Variants in STKLD1 observed in about 807,000 individuals in gnomAD.
The protein encoded by STKLD1 is serine/threonine kinase-like domain-containing protein STKLD1.
STKLD1 carries 79 observed loss-of-function variants against 80.4 expected under a neutral mutation model. The observed-to-expected ratio is 0.98, with a 90% CI of 0.82 to 1.19. STKLD1 has a LOEUF of 1.19. STKLD1 is among the 50% of genes most tolerant of loss of function. The pLI is 0.00. For missense variants in STKLD1, 841 were observed against 856.0 expected, an observed-to-expected ratio of 0.98 and a Z score of 0.22; for synonymous variants, 393 against 357.6, an observed-to-expected ratio of 1.10 and a Z score of -1.12.
In STKLD1 at chr9:133,394,440, AT is replaced by A; in HGVS notation, c.702+32del. 6.9e-7 allele frequency: 1 copy of A among 1,453,728 alleles called. No homozygotes were observed. 90.1% of individuals were successfully genotyped at this position (1,453,728 alleles called of 1,614,324 possible). A position where few individuals can be genotyped will look rare whatever the true frequency, so the allele number is the denominator to read the frequency against. ...CCGCCCTCCCTCCCCCACACCCCAC[AT>A]GCTGTTCCCCACGCGCCCAGGCCTG... is the stretch of plus-strand genomic sequence containing the variant. On this transcript the variant is annotated intron_variant, in intron 8 of 17. Coordinates refer to ENST00000371957, the MANE Select transcript of STKLD1 (RefSeq NM_153710.5). This position sits in a 1 kb window ranked among gnomAD's most constrained non-coding sequence, Gnocchi z 4.9.
chr9:133,401,092 A>T (rs587594545), intron 12 of STKLD1, among the ~76,000 whole-genome samples: 1 of 152,144 alleles, frequency 6.6e-6, no homozygotes, highest in East Asian at 1.9e-4. Context: ...GGTTGTTAAA[A>T]GAGTTGAATT....
chr9:133,391,062 A>G (rs1024836111), intron 7 of STKLD1, among the ~76,000 whole-genome samples: 2 of 152,214 alleles, frequency 1.3e-5, no homozygotes, highest in African/African-American at 2.4e-5. Flanking sequence ...GGTACCCCAG[A>G]AAATGTTGCC....
Position 133,403,734 on chromosome 9 carries a change from C to T in STKLD1, c.1509C>T (p.Val503=), listed in dbSNP as rs782643145. ...TGAACAAGGCCCCCTTGGAGAAGGT[C>T]CCGGACCTCATCAGCCAGGTGTTGG... ...IIVNKAPLEK[V]PDLISQVLAT... is the part of the protein sequence containing the mutation. The change falls in exon 15 of 18, where the codon GTC becomes GTT. Residue 503 remains valine (V), a synonymous_variant. Transcript: ENST00000371957. 3 of 1,613,820 alleles carry T rather than the reference C, an allele frequency of 1.9e-6. No individual in the cohort carries two copies. Among genetic ancestry groups the T allele is most frequent in the East Asian group, 4.5e-5 (2 of 44,882 alleles).
chr9:133,383,713 G>A, intron 2 of STKLD1, 143 bp from the exon 3 acceptor site: 5 of 745,084 alleles, frequency 6.7e-6, no homozygotes, highest in Non-Finnish European at 1.2e-5. Flanking sequence ...GTTGGTTGTG[G>A]TTGTGGTAAT....
Position 133,384,639 on chromosome 9 carries a change from T to A in STKLD1, c.219+739T>A, listed in dbSNP as rs2119213740. ...CCATTTTGCCCAGGCTAGTCTGAAT[T>A]TCTGGGCTCAAGCAATCGTCCCACC... On this transcript the variant is annotated intron_variant, in intron 3 of 17. Coordinates refer to ENST00000371957, the MANE Select transcript of STKLD1 (RefSeq NM_153710.5). This position sits in a 1 kb window ranked among gnomAD's most constrained non-coding sequence, Gnocchi z 4.3. 6.6e-6 allele frequency: 1 copy of A among 152,000 alleles called. No individual in the cohort carries two copies. The highest frequency in any genetic ancestry group is 1.9e-4 in the East Asian group (1 of 5,172). 9.4% of individuals were successfully genotyped at this position (152,000 alleles called of 1,614,324 possible). A position where few individuals can be genotyped will look rare whatever the true frequency, so the allele number is the denominator to read the frequency against.
chr9:133,400,541 A>G lies in STKLD1; in HGVS notation c.1198+12A>G. The G allele has an allele frequency of 3.1e-6, 5 of 1,599,966 alleles. No individual in the cohort carries two copies. The highest frequency in any genetic ancestry group is 4.3e-6 in the Non-Finnish European group (5 of 1,170,014). ...CCTCCTGGGCCAAGGTGGGTGCCAA[A>G]CCAGGCCAGATGGGGTCGGGGAGGC... On this transcript the variant is annotated intron_variant, in intron 12 of 17. Coordinates refer to ENST00000371957, the MANE Select transcript of STKLD1 (RefSeq NM_153710.5).
chr9:133,387,799 G>A (rs2130280825), intron 5 of STKLD1: 27 of 610,922 alleles, frequency 4.4e-5, no homozygotes, highest in Non-Finnish European at 7.4e-5. Context: ...GTTCCCAGTC[G>A]GTGACCATGA....
chr9:133,403,045 G>T, intron 14 of STKLD1, 33 bp downstream of exon 14: 14 of 1,537,528 alleles, frequency 9.1e-6, no homozygotes, highest in Non-Finnish European at 1.2e-5. Flanking sequence ...TCCCACCGGG[G>T]CTGGCAGCCC....
At chr9:133,399,878 CA>C (rs781902375) in intron 11 of STKLD1, among the ~76,000 whole-genome samples, 108,446 of 133,922 alleles carry the variant, frequency 0.81, 43,542 homozygotes, top group South Asian at 0.87. Context: ...GACTCTGTTT[CA>C]AAAAAAAAAA....
Position 133,389,491 on chromosome 9 carries a change from C to G in STKLD1, c.397-35C>G. 6.2e-7 allele frequency: 1 copy of G among 1,610,078 alleles called. No homozygotes were observed. The highest frequency in any genetic ancestry group is 8.5e-7 in the Non-Finnish European group (1 of 1,178,700). ...CCCCCCTGAAAGCAGCACAGGGTGC[C>G]CCTCCCATCCTGGCACCCCCTACTT... is the stretch of plus-strand genomic sequence containing the variant. On this transcript the variant is annotated intron_variant, in intron 5 of 17. Coordinates refer to ENST00000371957, the MANE Select transcript of STKLD1 (RefSeq NM_153710.5). The surrounding 1 kb of genome is among the most constrained non-coding windows in gnomAD (Gnocchi z 6.4).
In STKLD1 at chr9:133,397,266, G is replaced by C; in HGVS notation, c.969G>C (p.Leu323=). The part of the protein sequence containing the change: ...QMVPASITDM[L]LEGNVASILE... The stretch of plus-strand genomic sequence containing the variant: ...TGCCTGCGTCCATCACCGACATGCT[G>C]TTAGAAGGCAACGTGGCCAGCATTT... The change falls in exon 10 of 18, where the codon CTG becomes CTC. Residue 323 remains leucine, a synonymous_variant. Coordinates refer to ENST00000371957, the MANE Select transcript of STKLD1 (RefSeq NM_153710.5). The C allele has an allele frequency of 6.2e-7, 1 of 1,613,840 alleles. No individual in the cohort carries two copies. The highest frequency in any genetic ancestry group is 1.3e-5 in the African/African-American group (1 of 75,064).
In STKLD1 at chr9:133,402,923, A is replaced by G. The variant is rs1554777964; in HGVS notation, c.1385A>G (p.Glu462Gly). Reference sequence around the variant, plus strand: ...GAGCTGCAGAATGCTGGGCTGCTGGAGCACATCCTGGAGCACCTCAACAGC... The same window carrying G: ...GAGCTGCAGAATGCTGGGCTGCTGGGGCACATCCTGGAGCACCTCAACAGC... ...SEELQNAGLLEHILEHLNSSL... is the reference protein window; with the variant it reads ...SEELQNAGLLGHILEHLNSSL... The change falls in exon 14 of 18, where the codon GAG (glutamate) becomes GGG (glycine). Residue 462 changes from glutamate to glycine, a missense_variant. By Grantham distance (98) the Glu-to-Gly change is moderately conservative. Coordinates refer to ENST00000371957, the MANE Select transcript of STKLD1 (RefSeq NM_153710.5). The G allele has an allele frequency of 1.3e-6, 2 of 1,587,032 alleles. No homozygotes were observed. The highest frequency in any genetic ancestry group is 8.6e-7 in the Non-Finnish European group (1 of 1,167,040).
chr9:133,376,403 C>T lies in STKLD1; in HGVS notation c.-71C>T, dbSNP rs1837946166. On this transcript the variant is annotated 5_prime_UTR_variant, in exon 1 of 18. Transcript: ENST00000371957. ...GGCGCCGTTCGGGCGGGGAGGATCC[C>T]GCGGGTCCCACTGACCCACGCGGGG... The T allele has an allele frequency of 2.1e-6, 3 of 1,461,408 alleles. No individual in the cohort carries two copies. Among genetic ancestry groups the T allele is most frequent in the South Asian group, 1.3e-5 (1 of 75,004 alleles). 90.5% of individuals were successfully genotyped at this position (1,461,408 alleles called of 1,614,324 possible).
chr9:133,386,154 A>G (rs1838260885), intron 4 of STKLD1, among the ~76,000 whole-genome samples: 2 of 152,232 alleles, frequency 1.3e-5, no homozygotes, highest in South Asian at 4.1e-4. Flanking sequence ...CCTGACCTTA[A>G]GTGATCCGCC....
Position 133,402,878 on chromosome 9 carries a change from A to T in STKLD1, c.1340A>T (p.Glu447Val). ...YSLLAITTTQ[E>V]SESLSEELQN... The stretch of plus-strand genomic sequence containing the variant: ...GGCCCTCATTCTGGCTCACCCACAG[A>T]GTCAGAGTCACTGTCAGAGGAGCTG... Residue 447 changes from glutamate to valine, a missense_variant and splice_region_variant, in exon 14 of 18, where the codon GAG (glutamate) becomes GTG (valine). Physicochemically the swap from Glu to Val is moderately radical, Grantham distance 121 (BLOSUM62 -2). Coordinates refer to ENST00000371957, the MANE Select transcript of STKLD1 (RefSeq NM_153710.5). 1 of 1,596,460 alleles carries T rather than the reference A, an allele frequency of 6.3e-7. No individual in the cohort carries two copies.
chr9:133,380,038 CT>C (rs372154385), intron 2 of STKLD1, among the ~76,000 whole-genome samples: 19 of 149,158 alleles, frequency 1.3e-4, no homozygotes, highest in Admixed American at 1.3e-4. Context: ...AGTTAAGGAG[CT>C]TTTTTTTTTG....
At position 133,384,209 on chromosome 9, in the gene STKLD1, C is replaced by T. The variant is rs2130272345; in HGVS notation, c.219+309C>T. On this transcript the variant is annotated intron_variant, in intron 3 of 17. Coordinates refer to ENST00000371957, the MANE Select transcript of STKLD1 (RefSeq NM_153710.5). This position sits in a 1 kb window ranked among gnomAD's most constrained non-coding sequence, Gnocchi z 4.3. ...ATCCCACCACTTTGGGAGGCCGAGG[C>T]GGGTGGATCACTTGAGGTCAGGAGT... 3.7e-5 allele frequency: 11 copies of T among 298,658 alleles called. No homozygotes were observed. The highest frequency in any genetic ancestry group is 1.1e-4 in the African/African-American group (5 of 46,088). 18.5% of individuals were successfully genotyped at this position (298,658 alleles called of 1,614,324 possible).
At chr9:133,395,495 T>C in intron 8 of STKLD1, 105 bp from the exon 9 acceptor site, 1 of 1,295,740 alleles carries the variant, frequency 7.7e-7, no homozygotes, top group East Asian at 2.3e-5. Context: ...TGGCTCTCCC[T>C]GGTCTCCTCC....
rs921759952 is a variant in STKLD1, at chr9:133,390,317, T to C, written c.468-364T>C. 6.6e-6 allele frequency among the ~76,000 whole-genome samples: 1 copy of C among 151,792 alleles called. No individual in the cohort carries two copies. Among genetic ancestry groups the C allele is most frequent in the African/African-American group, 2.4e-5 (1 of 41,254 alleles). ...CATCCAGTGTTCATGTCACTAGACGTCGCACAATGGCCAAAAATCAATCCC... is the reference window on the plus strand; with the variant it reads ...CATCCAGTGTTCATGTCACTAGACGCCGCACAATGGCCAAAAATCAATCCC... On this transcript the variant is annotated intron_variant, in intron 6 of 17. Coordinates refer to ENST00000371957, the MANE Select transcript of STKLD1 (RefSeq NM_153710.5). This position sits in a 1 kb window ranked among gnomAD's most constrained non-coding sequence, Gnocchi z 5.1.
Sources: allele counts gnomAD v4.1 joint callset (sites outside exome capture counted in the v4.1 genomes callset), GRCh38; gene constraint gnomAD v4.1.1; non-coding constraint Gnocchi (gnomAD v3.1); transcripts MANE v1.5; gene names NCBI Gene and HGNC (gene_info 2026-07-23, HGNC 2026-07-21).